The following RPH3A variants were observed in gnomAD, a reference collection of about 807,000 sequenced individuals.
RPH3A encodes the protein rabphilin 3A.
In RPH3A, 48 loss-of-function variants were observed where a neutral mutation model predicts 102.2. The observed-to-expected ratio is 0.47, with a 90% CI of 0.37 to 0.60. The LOEUF (loss-of-function observed/expected upper bound fraction) is 0.60, where lower values mean the gene tolerates loss of function less well. RPH3A is among the 20% of genes least tolerant of loss of function. The pLI is 0.00. For synonymous variants in RPH3A, 310 were observed against 324.3 expected (o/e 0.96, Z 0.47); for missense variants, 781 against 910.1 (o/e 0.86, Z 1.83).
intron 1 of RPH3A, among the ~76,000 whole-genome samples, chr12:112,773,815 T>C (rs2040944601): frequency 2.0e-5 from 3 of 152,030 alleles, no homozygotes; most frequent in South Asian, 4.1e-4. Flanking sequence ...GCATGGTGGC[T>C]CACACCTGTA....
chr12:112,710,005 T>C (rs1021671916), intron 1 of RPH3A, among the ~76,000 whole-genome samples: 2 of 152,060 alleles, frequency 1.3e-5, no homozygotes. Flanking sequence ...GACGGAGTCT[T>C]ACTCTGTCGC....
intron 1 of RPH3A, among the ~76,000 whole-genome samples, chr12:112,638,025 T>C (rs539894660): frequency 6.6e-6 from 1 of 151,946 alleles, no homozygotes; most frequent in Non-Finnish European, 1.5e-5. Context: ...CGGGGCCTAA[T>C]AGGAAGTGTT....
At chr12:112,692,953 G>A (rs1427095827) in intron 1 of RPH3A, among the ~76,000 whole-genome samples, 2 of 152,184 alleles carry the variant, frequency 1.3e-5, no homozygotes, top group Non-Finnish European at 2.9e-5. Context: ...GGGTTGACTA[G>A]CAGAGAGCAC....
intron 1 of RPH3A, among the ~76,000 whole-genome samples, chr12:112,785,500 A>G (rs778813177): frequency 7.2e-5 from 11 of 152,194 alleles, no homozygotes; most frequent in Non-Finnish European, 1.6e-4. Flanking sequence ...TCTCAGCACA[A>G]TGTGTATCAC....
At chr12:112,730,335 C>A (rs1343062441) in intron 1 of RPH3A, among the ~76,000 whole-genome samples, 1 of 152,230 alleles carries the variant, frequency 6.6e-6, no homozygotes, top group Non-Finnish European at 1.5e-5. Context: ...GGGAGTGCAG[C>A]CAACTGATGG....
chr12:112,863,892 A>G (rs1186970899), intron 5 of RPH3A, among the ~76,000 whole-genome samples: 1 of 152,182 alleles, frequency 6.6e-6, no homozygotes, highest in Non-Finnish European at 1.5e-5. Context: ...CATTGATTTA[A>G]CTAGCATATA....
Position 112,887,904 on chromosome 12 carries a change from G to T in RPH3A, c.1544G>T (p.Cys515Phe). 1 of 1,613,812 alleles carries T rather than the reference G, an allele frequency of 6.2e-7. No individual in the cohort carries two copies. Among genetic ancestry groups the T allele is most frequent in the Non-Finnish European group, 8.5e-7 (1 of 1,179,714 alleles). Residue 515 changes from cysteine (C) to phenylalanine (F), a missense_variant, in exon 17 of 22, where the codon TGC (cysteine) becomes TTC (phenylalanine). Physicochemically the swap from Cys to Phe is radical, Grantham distance 205. Coordinates refer to ENST00000389385, the MANE Select transcript of RPH3A (RefSeq NM_001143854.2). ...AACCAGAGGAAGAATTTCAACATCT[G>T]CCTGGAGCGAGTGATTCCTGTGAGT... ...KPNQRKNFNI[C>F]LERVIPMKRA... is the part of the protein sequence containing the mutation.
At chr12:112,784,395 C>G (rs1042185175) in intron 1 of RPH3A, among the ~76,000 whole-genome samples, 1 of 152,156 alleles carries the variant, frequency 6.6e-6, no homozygotes, top group Non-Finnish European at 1.5e-5. Context: ...GATGATCTAT[C>G]CCAGGTTCCC....
intron 1 of RPH3A, among the ~76,000 whole-genome samples, chr12:112,701,229 G>A (rs1311293509): frequency 6.6e-6 from 1 of 152,170 alleles, no homozygotes; most frequent in African/African-American, 2.4e-5. Context: ...AGGTAGAAAG[G>A]TGAGTTTTGA....
intron 15 of RPH3A, among the ~76,000 whole-genome samples, chr12:112,882,468 T>C (rs955473501): frequency 2.6e-5 from 4 of 152,230 alleles, no homozygotes; most frequent in Non-Finnish European, 5.9e-5. Flanking sequence ...AAGGTGGCAG[T>C]ACATCTGTCA....
At chr12:112,703,944 T>C (rs1029056183) in intron 1 of RPH3A, among the ~76,000 whole-genome samples, 2 of 148,002 alleles carry the variant, frequency 1.4e-5, no homozygotes, top group African/African-American at 2.4e-5. Context: ...TAACCTCAAA[T>C]TGAATTTAAA....
intron 1 of RPH3A, among the ~76,000 whole-genome samples, chr12:112,716,521 T>C (rs559375936): frequency 6.6e-6 from 1 of 152,364 alleles, no homozygotes; most frequent in African/African-American, 2.4e-5. Flanking sequence ...TATCTTCACG[T>C]ATCGCTTCTG....
At chr12:112,616,339 G>T (rs894956326) in intron 1 of RPH3A, among the ~76,000 whole-genome samples, 2 of 152,110 alleles carry the variant, frequency 1.3e-5, no homozygotes, top group African/African-American at 4.8e-5. Flanking sequence ...TAGAGACGGG[G>T]TTTTGCCATG....
Position 112,897,516 on chromosome 12 carries a change from A to C in RPH3A, c.*736A>C, listed in dbSNP as rs529882436. Reference sequence around the variant, plus strand: ...TCCTCCTCCCTCTTCTTTCCCTTCCATGATAGTAGATTCTCTCTTTCTCAG... The same window carrying C: ...TCCTCCTCCCTCTTCTTTCCCTTCCCTGATAGTAGATTCTCTCTTTCTCAG... On this transcript the variant is annotated 3_prime_UTR_variant, in exon 22 of 22. Transcript: ENST00000389385. The C allele has an allele frequency of 6.6e-6, 1 of 152,206 alleles. No individual in the cohort carries two copies. Among genetic ancestry groups the C allele is most frequent in the African/African-American group, 2.4e-5 (1 of 41,342 alleles). The allele number at this position is 152,206 out of a possible 1,614,324, so 9.4% of individuals were successfully genotyped here.
chr12:112,686,512 T>C (rs1425287470), intron 1 of RPH3A, among the ~76,000 whole-genome samples: 1 of 152,188 alleles, frequency 6.6e-6, no homozygotes, highest in East Asian at 1.9e-4. Flanking sequence ...CTCTTGTTGC[T>C]CTTGGAAAGG....
intron 2 of RPH3A, among the ~76,000 whole-genome samples, chr12:112,799,361 C>A (rs111477860): frequency 0.048 from 7,238 of 152,192 alleles, 593 homozygotes; most frequent in African/African-American, 0.17. Context: ...GTACTACAGC[C>A]TCGGTGACAG....
At chr12:112,620,367 A>G (rs2039713453) in intron 1 of RPH3A, among the ~76,000 whole-genome samples, 1 of 152,162 alleles carries the variant, frequency 6.6e-6, no homozygotes, top group Admixed American at 6.5e-5. Context: ...GATACTGAGC[A>G]GATTAATTAC....
At position 112,818,544 on chromosome 12, in the gene RPH3A, A is replaced by G. The variant is rs116706307; in HGVS notation, c.-18-9757A>G. Among the ~76,000 whole-genome samples the G allele has an allele frequency of 4.4e-3, 666 of 152,194 alleles. 3 individuals are homozygous for G. Among genetic ancestry groups the G allele is most frequent in the African/African-American group, 0.015 (617 of 41,522 alleles). ...TCTGTTCTATCAGTTTAGCAGCCCA[A>G]TGGAAAGAGAATGCTTCTTTCCACA... On this transcript the variant is annotated intron_variant, in intron 2 of 21. Coordinates refer to ENST00000389385, the MANE Select transcript of RPH3A (RefSeq NM_001143854.2).
chr12:112,817,016 T>C (rs2041684276), intron 2 of RPH3A, among the ~76,000 whole-genome samples: 1 of 152,132 alleles, frequency 6.6e-6, no homozygotes, highest in Admixed American at 6.5e-5. Context: ...AACTGAGGTG[T>C]TGGAAGGTAA....
Sources: gnomAD v4.1 joint callset for allele counts (sites outside exome capture counted in the v4.1 genomes callset) on GRCh38, gnomAD v4.1.1 for gene constraint, MANE v1.5 for transcripts, NCBI Gene and HGNC (gene_info 2026-07-23, HGNC 2026-07-21) for gene names.